The following PNLIP variants were observed in gnomAD, a reference collection of about 807,000 sequenced individuals.
PNLIP encodes pancreatic triacylglycerol lipase.
PNLIP carries 49 observed loss-of-function variants against 57.1 expected under a neutral mutation model. The ratio of observed to expected loss-of-function variants is 0.86; its 90% CI spans 0.68 to 1.09. PNLIP has a LOEUF of 1.09. Among genes scored for constraint, PNLIP ranks in the 50% least tolerant of loss-of-function variants. The probability of loss-of-function intolerance (pLI) is 0.00; values close to 1 mark genes in which losing one functional copy is unlikely to be tolerated. For missense variants in PNLIP, 503 were observed against 570.2 expected, an observed-to-expected ratio of 0.88 and a Z score of 1.20; for synonymous variants, 209 against 200.4, an observed-to-expected ratio of 1.04 and a Z score of -0.36.
intron 2 of PNLIP, among the ~76,000 whole-genome samples, chr10:116,546,802 T>C (rs1294579215): frequency 6.6e-6 from 1 of 152,168 alleles, no homozygotes; most frequent in African/African-American, 2.4e-5. Context: ...TGTTAAACCA[T>C]GGATTTTTGG....
chr10:116,555,450 C>G lies in PNLIP; in HGVS notation c.754C>G (p.Pro252Ala), dbSNP rs1205949111. The change falls in exon 8 of 13, where the codon CCT becomes GCT. Residue 252 changes from proline to alanine, a missense_variant. By Grantham distance (27) the Pro-to-Ala change is conservative (BLOSUM62 -1). Transcript: ENST00000369221. The part of the protein sequence containing the change: ...DFFPNGGVEM[P>A]GCKKNILSQI... The stretch of plus-strand genomic sequence containing the variant: ...CTTTCCAAATGGAGGAGTGGAAATG[C>G]CTGGATGTAAAAAGAACATTCTCTC... The G allele has an allele frequency of 1.9e-6, 3 of 1,613,822 alleles. No homozygotes were observed. The highest frequency in any genetic ancestry group is 2.5e-6 in the Non-Finnish European group (3 of 1,179,876).
At chr10:116,562,749 C>T (rs1167530650) in intron 12 of PNLIP, among the ~76,000 whole-genome samples, 1 of 152,134 alleles carries the variant, frequency 6.6e-6, no homozygotes, top group Non-Finnish European at 1.5e-5. Context: ...CCTACTTTTG[C>T]AGGACTGAGA....
At chr10:116,553,609 T>C (rs1847218149) in intron 5 of PNLIP, 118 bp from the exon 6 acceptor site, 2 of 705,826 alleles carry the variant, frequency 2.8e-6, no homozygotes. Flanking sequence ...AAATATACTT[T>C]ATGATGTTCC....
chr10:116,553,175 G>C (rs561066479), intron 5 of PNLIP, among the ~76,000 whole-genome samples: 1 of 152,114 alleles, frequency 6.6e-6, no homozygotes, highest in African/African-American at 2.4e-5. Flanking sequence ...GCGCGATCTC[G>C]GCTCACTGCA....
At chr10:116,548,959 A>G (rs1847159510) in intron 4 of PNLIP, among the ~76,000 whole-genome samples, 1 of 152,170 alleles carries the variant, frequency 6.6e-6, no homozygotes, top group Admixed American at 6.5e-5. Flanking sequence ...CTGTTGTTTC[A>G]ACAGCGGTGA....
rs184067440 is a variant in PNLIP, at chr10:116,557,754, G to T, written c.931-1400G>T. On this transcript the variant is annotated intron_variant, in intron 9 of 12. Coordinates refer to ENST00000369221, the MANE Select transcript of PNLIP (RefSeq NM_000936.4). ...CCTCACAGTGGGAATTGGGACACTT[G>T]TCCTGCCAACTTGGTTCCTCCCTCT... Among the ~76,000 whole-genome samples, 90 of 152,254 alleles carry T rather than the reference G, an allele frequency of 5.9e-4. 3 individuals carry two copies. Among genetic ancestry groups the T allele is most frequent in the Admixed American group, 5.8e-3 (88 of 15,286 alleles).
chr10:116,561,429 A>T, intron 11 of PNLIP, 43 bp from the exon 12 acceptor site: 5 of 1,419,520 alleles, frequency 3.5e-6, no homozygotes, highest in Non-Finnish European at 4.9e-6. Flanking sequence ...ATATATTTAC[A>T]TGTATGCTCA....
chr10:116,563,082 T>C (rs1295577979), intron 12 of PNLIP, among the ~76,000 whole-genome samples: 1 of 152,096 alleles, frequency 6.6e-6, no homozygotes, highest in Non-Finnish European at 1.5e-5. Flanking sequence ...AAAACTGACA[T>C]AGATGTTACA....
chr10:116,550,817 A>G (rs1424409644), intron 4 of PNLIP, among the ~76,000 whole-genome samples: 1 of 152,204 alleles, frequency 6.6e-6, no homozygotes, highest in Non-Finnish European at 1.5e-5. Context: ...CATTTTATAC[A>G]GTTTATACAC....
At position 116,560,543 on chromosome 10, in the gene PNLIP, C is replaced by A; in HGVS notation, c.1169+19C>A. The stretch of plus-strand genomic sequence containing the variant: ...TTTTCAAGTGAGTAAAATAATATTG[C>A]TCTATGCTTTTTTTTTTTTTTTTTT... On this transcript the variant is annotated intron_variant, in intron 11 of 12. Coordinates refer to ENST00000369221, the MANE Select transcript of PNLIP (RefSeq NM_000936.4). The A allele has an allele frequency of 1.0e-6, 1 of 959,496 alleles. No individual in the cohort carries two copies. The highest frequency in any genetic ancestry group is 1.5e-5 in the South Asian group (1 of 65,434). 59.4% of individuals were successfully genotyped at this position (959,496 alleles called of 1,614,324 possible).
At chr10:116,566,822 G>A (rs999737940) in intron 12 of PNLIP, among the ~76,000 whole-genome samples, 6 of 152,076 alleles carry the variant, frequency 3.9e-5, no homozygotes, top group Admixed American at 2.6e-4. Flanking sequence ...TTGTGAGGCT[G>A]CCAGTCATTG....
chr10:116,547,586 C>T lies in PNLIP; in HGVS notation c.201+138C>T, dbSNP rs189564488. On this transcript the variant is annotated intron_variant, in intron 3 of 12. Coordinates refer to ENST00000369221, the MANE Select transcript of PNLIP (RefSeq NM_000936.4). Reference sequence around the variant, plus strand: ...CTAAAAATACAAACAATTAGCCAGGCGTGGTGGCAGGCGCCTGTAGTCCCA... The same window carrying T: ...CTAAAAATACAAACAATTAGCCAGGTGTGGTGGCAGGCGCCTGTAGTCCCA... 2.5e-3 allele frequency: 1,657 copies of T among 669,514 alleles called. 8 individuals carry two copies. Among genetic ancestry groups the T allele is most frequent in the Non-Finnish European group, 3.4e-3 (1,404 of 407,632 alleles). The allele number at this position is 669,514 out of a possible 1,614,324, so 41.5% of individuals were successfully genotyped here. A position where few individuals can be genotyped will look rare whatever the true frequency, so the allele number is the denominator to read the frequency against.
rs375485005 is a variant in PNLIP, at chr10:116,555,512, A to G, written c.811+5A>G. 5.5e-5 allele frequency: 89 copies of G among 1,613,474 alleles called. No individual in the cohort carries two copies. Among genetic ancestry groups the G allele is most frequent in the Middle Eastern group, 4.9e-4 (3 of 6,082 alleles). ...ACATAGACGGAATCTGGGAAGGTAG[A>G]ACTATTATGTGTAGAAAGAGATCTT... is the stretch of plus-strand genomic sequence containing the variant. On this transcript the variant is annotated splice_donor_5th_base_variant and intron_variant, in intron 8 of 12. Coordinates refer to ENST00000369221, the MANE Select transcript of PNLIP (RefSeq NM_000936.4).
intron 5 of PNLIP, among the ~76,000 whole-genome samples, chr10:116,551,439 T>C (rs1450543559): frequency 1.3e-5 from 2 of 152,226 alleles, no homozygotes; most frequent in Non-Finnish European, 2.9e-5. Flanking sequence ...AACTAGTTTT[T>C]TTAAGTTAAC....
rs1163058147 is a variant in PNLIP at position 116,560,388 on chromosome 10, G to A, written c.1061-28G>A. Reference sequence around the variant, plus strand: ...TTTTAGTGTCTTTTATCTCCAAACTGACATTTTGCAATTTTTCTCCCTTGC... The same window carrying A: ...TTTTAGTGTCTTTTATCTCCAAACTAACATTTTGCAATTTTTCTCCCTTGC... On this transcript the variant is annotated intron_variant, in intron 10 of 12. Coordinates refer to ENST00000369221, the MANE Select transcript of PNLIP (RefSeq NM_000936.4). The A allele has an allele frequency of 4.8e-6, 6 of 1,241,396 alleles. No individual in the cohort carries two copies. In the African/African-American group the frequency reaches 6.1e-5, roughly 13 times the overall value. 76.9% of individuals were successfully genotyped at this position (1,241,396 alleles called of 1,614,324 possible).
intron 12 of PNLIP, among the ~76,000 whole-genome samples, chr10:116,566,147 A>G (rs923951125): frequency 6.6e-6 from 1 of 152,218 alleles, no homozygotes; most frequent in Non-Finnish European, 1.5e-5. Context: ...AAGTAGAAAT[A>G]ATCCAAATGT....
rs763765843 is a variant in PNLIP, at chr10:116,553,728, C to T, written c.461C>T (p.Ser154Leu). ...CTGAAAAGGTTTTCTTTCCGACAGTCGGCGTTCGGTTACTCACCTTCCAAT... is the reference window on the plus strand; with the variant it reads ...CTGAAAAGGTTTTCTTTCCGACAGTTGGCGTTCGGTTACTCACCTTCCAAT... ...EVAYFVEFLQ[S>L]AFGYSPSNVH... Residue 154 changes from serine (S) to leucine (L), a missense_variant and splice_region_variant, in exon 6 of 13, where the codon TCG becomes TTG. Transcript: ENST00000369221. 6.3e-6 allele frequency: 10 copies of T among 1,599,826 alleles called. No individual in the cohort carries two copies. Among genetic ancestry groups the T allele is most frequent in the Middle Eastern group, 1.7e-4 (1 of 6,050 alleles).
rs1365750738 is a variant in PNLIP at position 116,555,565 on chromosome 10, G to T, written c.811+58G>T. The T allele has an allele frequency of 5.8e-6, 9 of 1,558,150 alleles. No homozygotes were observed. The African/African-American group carries it at 9.6e-5, about 17-fold the overall frequency. ...TGGGAGAAAGCTTGTGTTTTGTTTT[G>T]CTAAACTTGCTAAATTCTTTGGAAT... On this transcript the variant is annotated intron_variant, in intron 8 of 12. Transcript: ENST00000369221.
At chr10:116,554,507 A>G (rs1050756047) in intron 6 of PNLIP, among the ~76,000 whole-genome samples, 2 of 152,194 alleles carry the variant, frequency 1.3e-5, no homozygotes, top group African/African-American at 4.8e-5. Context: ...GTGAGCTCAC[A>G]TATTGGATAC....
Sources: gnomAD v4.1 joint callset for allele counts (sites outside exome capture counted in the v4.1 genomes callset) on GRCh38, gnomAD v4.1.1 for gene constraint, MANE v1.5 for transcripts, NCBI Gene and HGNC (gene_info 2026-07-23, HGNC 2026-07-21) for gene names.